Variants in CNTN3 observed in about 807,000 individuals in gnomAD.
CNTN3 encodes the protein contactin-3.
A neutral mutation model predicts 119.1 loss-of-function variants in CNTN3; 60 were observed. The ratio of observed to expected loss-of-function variants is 0.50; its 90% CI spans 0.41 to 0.62. The LOEUF (loss-of-function observed/expected upper bound fraction) is 0.62. Ranked by LOEUF, CNTN3 falls within the 20% of genes least tolerant of loss-of-function variation. The pLI, the probability that CNTN3 is intolerant of heterozygous loss-of-function variation, is 0.00. For synonymous variants in CNTN3, 450 were observed against 438.7 expected (o/e 1.03, Z -0.32); for missense variants, 1,101 against 1,242.4 (o/e 0.89, Z 1.71).
At chr3:74,576,599 CAG>C (rs946723169) in intron 1 of CNTN3, among the ~76,000 whole-genome samples, 3 of 152,116 alleles carry the variant, frequency 2.0e-5, no homozygotes, top group Admixed American at 6.5e-5. Flanking sequence ...AGGTAAAAAT[CAG>C]AGTGATCACA....
chr3:74,427,994 A>T (rs1327147231), intron 4 of CNTN3, among the ~76,000 whole-genome samples: 1 of 152,142 alleles, frequency 6.6e-6, no homozygotes, highest in Non-Finnish European at 1.5e-5. Context: ...CTGTAGAACA[A>T]TGTTTCGGTA....
intron 1 of CNTN3, among the ~76,000 whole-genome samples, chr3:74,582,496 A>C (rs1704528634): frequency 6.6e-6 from 1 of 152,216 alleles, no homozygotes; most frequent in Non-Finnish European, 1.5e-5. Flanking sequence ...TAGGTAAATA[A>C]ATAATGAAAA....
At chr3:74,345,883 A>AT (rs1466085593) in intron 11 of CNTN3, among the ~76,000 whole-genome samples, 1 of 152,370 alleles carries the variant, frequency 6.6e-6, no homozygotes, top group Admixed American at 6.5e-5. Flanking sequence ...AACTAACTTC[A>AT]TACATTCATT....
intron 1 of CNTN3, among the ~76,000 whole-genome samples, chr3:74,545,335 A>T (rs574748046): frequency 6.6e-6 from 1 of 152,296 alleles, no homozygotes; most frequent in Non-Finnish European, 1.5e-5. Context: ...GAAGATATTT[A>T]TGCTGTGTGG....
intron 20 of CNTN3, among the ~76,000 whole-genome samples, chr3:74,277,431 GT>G (rs1423911695): frequency 6.6e-6 from 1 of 152,088 alleles, no homozygotes; most frequent in African/African-American, 2.4e-5. Flanking sequence ...GATCAAGTAG[GT>G]TTCACTTCAG....
chr3:74,441,929 T>G (rs753611275), intron 4 of CNTN3, among the ~76,000 whole-genome samples: 1 of 152,138 alleles, frequency 6.6e-6, no homozygotes, highest in Non-Finnish European at 1.5e-5. Flanking sequence ...AAGCTTGACT[T>G]TCTACACATA....
intron 17 of CNTN3, 77 bp from the exon 18 acceptor site, chr3:74,298,268 C>T: frequency 1.2e-6 from 1 of 857,418 alleles, no homozygotes; most frequent in South Asian, 2.1e-5. Context: ...AATCCACAGG[C>T]ATTTATTTGT....
At chr3:74,475,391 G>A (rs985256993) in intron 4 of CNTN3, among the ~76,000 whole-genome samples, 1 of 152,134 alleles carries the variant, frequency 6.6e-6, no homozygotes, top group African/African-American at 2.4e-5. Context: ...GTGTAATTAG[G>A]GCATGGAGGA....
At chr3:74,291,236 T>C (rs1236198963) in intron 19 of CNTN3, among the ~76,000 whole-genome samples, 1 of 152,332 alleles carries the variant, frequency 6.6e-6, no homozygotes, top group South Asian at 2.1e-4. Context: ...GAACTCATCC[T>C]TTTTTATGGC....
At chr3:74,574,885 T>C (rs1255142239) in intron 1 of CNTN3, among the ~76,000 whole-genome samples, 2 of 151,902 alleles carry the variant, frequency 1.3e-5, no homozygotes, top group Non-Finnish European at 2.9e-5. Flanking sequence ...CTGCTCACTG[T>C]GAGAGAAAGG....
chr3:74,449,891 T>TTTAAAAAAAAA (rs1702116197), intron 4 of CNTN3, among the ~76,000 whole-genome samples: 1 of 152,170 alleles, frequency 6.6e-6, no homozygotes. Flanking sequence ...AAGAAGTATT[T>TTTAAAAAAAAA]TAATGTTCTG....
chr3:74,277,139 T>TA (rs1354572782), intron 20 of CNTN3, among the ~76,000 whole-genome samples: 1 of 152,012 alleles, frequency 6.6e-6, no homozygotes, highest in Non-Finnish European at 1.5e-5. Context: ...AAATGGTAAT[T>TA]AAAAAATTAC....
At chr3:74,307,754 A>T (rs1398951106) in intron 13 of CNTN3, among the ~76,000 whole-genome samples, 1 of 152,212 alleles carries the variant, frequency 6.6e-6, no homozygotes, top group East Asian at 1.9e-4. Context: ...GAATTAGGGG[A>T]ACCTCTTGAA....
intron 4 of CNTN3, among the ~76,000 whole-genome samples, chr3:74,452,017 T>G (rs1366336724): frequency 2.8e-5 from 4 of 143,344 alleles, no homozygotes; most frequent in South Asian, 2.2e-4. Flanking sequence ...TGGTTCCATA[T>G]GAACTTTAAA....
At chr3:74,574,951 T>A (rs1183867568) in intron 1 of CNTN3, among the ~76,000 whole-genome samples, 2 of 150,020 alleles carry the variant, frequency 1.3e-5, no homozygotes, top group South Asian at 4.2e-4. Flanking sequence ...GGAGACAGGG[T>A]CTTGCTCTGT....
intron 1 of CNTN3, among the ~76,000 whole-genome samples, chr3:74,566,792 T>G (rs1704232369): frequency 6.6e-6 from 1 of 152,098 alleles, no homozygotes; most frequent in Non-Finnish European, 1.5e-5. Context: ...CACACAGCAA[T>G]AGAGGCTACA....
intron 1 of CNTN3, among the ~76,000 whole-genome samples, chr3:74,576,530 T>G (rs1026213005): frequency 6.6e-6 from 1 of 152,144 alleles, no homozygotes. Context: ...TCAATAAGAC[T>G]TGAAATTACA....
At chr3:74,383,616 G>T (rs1575675823) in intron 5 of CNTN3, among the ~76,000 whole-genome samples, 1 of 152,086 alleles carries the variant, frequency 6.6e-6, no homozygotes, top group African/African-American at 2.4e-5. Context: ...CACCTGAGTA[G>T]CTGGGACCAC....
chr3:74,579,910 C>A (rs1050129054), intron 1 of CNTN3, among the ~76,000 whole-genome samples: 2 of 151,748 alleles, frequency 1.3e-5, no homozygotes, highest in African/African-American at 4.8e-5. Context: ...TTTAAAAGGA[C>A]AAATAATAGA....
Sources: gnomAD v4.1 joint callset for allele counts (sites outside exome capture counted in the v4.1 genomes callset) on GRCh38, gnomAD v4.1.1 for gene constraint, MANE v1.5 for transcripts, NCBI Gene and HGNC (gene_info 2026-07-23, HGNC 2026-07-21) for gene names.